Variants in THTPA observed in about 807,000 individuals in gnomAD.
THTPA encodes thiamine triphosphatase, also known as thiamine-triphosphatase.
Under a neutral mutation model 16.5 loss-of-function variants are expected in THTPA, and 16 were observed. The ratio of observed to expected loss-of-function variants is 0.97; its 90% CI spans 0.66 to 1.47. The LOEUF (loss-of-function observed/expected upper bound fraction) is 1.47. Among genes scored for constraint, THTPA ranks in the 40% most tolerant of loss-of-function variants. The pLI is 0.00. For missense variants in THTPA, 281 were observed against 280.9 expected, an observed-to-expected ratio of 1.00 and a Z score of 0.00; for synonymous variants, 110 against 115.5, an observed-to-expected ratio of 0.95 and a Z score of 0.30.
At chr14:23,530,280 C>T in the THTPA span, 1 of 1,064,524 alleles carries the variant, frequency 9.4e-7, no homozygotes. Flanking sequence ...GGACAAGCAG[C>T]CAGTCAATGA....
At chr14:23,538,794 G>A in the THTPA span, among the ~76,000 whole-genome samples, 1 of 152,174 alleles carries the variant, frequency 6.6e-6, no homozygotes, top group African/African-American at 2.4e-5. Flanking sequence ...GACCTGGGTA[G>A]AGGCAAGGGC....
At chr14:23,554,545 TA>T (rs1241498204), upstream of THTPA, among the ~76,000 whole-genome samples, 754 of 142,286 alleles carry the variant, frequency 5.3e-3, 4 homozygotes, top group African/African-American at 0.019. Context: ...CCCGGCTAAT[TA>T]AAATTTTTTT....
Position 23,557,165 on chromosome 14 carries a change from TGAA to T in THTPA, c.411_413del (p.Glu139del). ...GGAAGCTGGTGCTCTTGGGAGCTGA[TGAA>T]GAGGAGCCACAGCTCAGGGTGGACT... On this transcript the variant is annotated inframe_deletion, in exon 1 of 2. Transcript: ENST00000288014. The T allele has an allele frequency of 6.2e-7, 1 of 1,614,042 alleles. No individual in the cohort carries two copies. The highest frequency in any genetic ancestry group is 8.5e-7 in the Non-Finnish European group (1 of 1,180,014).
chr14:23,531,587 C>T, the THTPA span: 32 of 1,526,750 alleles, frequency 2.1e-5, no homozygotes, highest in African/African-American at 4.3e-4. Flanking sequence ...GCCTCTGGGC[C>T]TGGGCATCGC....
chr14:23,559,697 G>T lies in THTPA; in HGVS notation c.*857G>T. 2 of 1,575,142 alleles carry T rather than the reference G, an allele frequency of 1.3e-6. No homozygotes were observed. Among genetic ancestry groups the T allele is most frequent in the Non-Finnish European group, 1.7e-6 (2 of 1,149,488 alleles). On this transcript the variant is annotated 3_prime_UTR_variant, in exon 2 of 2. Transcript: ENST00000288014. Reference sequence around the variant, plus strand: ...TCAGGTGTAGGTTCGAAGCTGCTGGGGCCCCCTGGGGTTTGGGACACAGGA... The same window carrying T: ...TCAGGTGTAGGTTCGAAGCTGCTGGTGCCCCCTGGGGTTTGGGACACAGGA...
At chr14:23,557,336 T>G (rs1882518694) in intron 1 of THTPA, 32 bp downstream of exon 1, 1 of 1,532,662 alleles carries the variant, frequency 6.5e-7, no homozygotes, top group African/African-American at 1.4e-5. Flanking sequence ...GTGCTTTTCC[T>G]GCTCCCCACT....
At chr14:23,545,714 A>G in the THTPA span, among the ~76,000 whole-genome samples, 3 of 152,232 alleles carry the variant, frequency 2.0e-5, no homozygotes, top group African/African-American at 7.2e-5. Flanking sequence ...CAGACCACTG[A>G]TACAGAACAC....
chr14:23,512,387 G>A, the THTPA span, among the ~76,000 whole-genome samples: 9 of 152,130 alleles, frequency 5.9e-5, no homozygotes, highest in African/African-American at 2.2e-4. Context: ...AAGGGCACAG[G>A]GGCCCTGGGA....
At chr14:23,536,213 C>T in the THTPA span, among the ~76,000 whole-genome samples, 1 of 152,206 alleles carries the variant, frequency 6.6e-6, no homozygotes, top group Non-Finnish European at 1.5e-5. Flanking sequence ...ATTTTCTCTC[C>T]ATCCAGCAGC....
the THTPA span, chr14:23,533,497 G>C: frequency 6.5e-7 from 1 of 1,536,076 alleles, no homozygotes. The surrounding 1 kb of genome is among the most constrained non-coding windows in gnomAD (Gnocchi z 4.8). Context: ...CATCAATCCA[G>C]GTGGCAGGCC....
the THTPA span, among the ~76,000 whole-genome samples, chr14:23,544,552 T>A: frequency 6.6e-6 from 1 of 152,188 alleles, no homozygotes; most frequent in East Asian, 1.9e-4. Context: ...AGGCCCTCCA[T>A]GTACACGTGT....
At chr14:23,532,027 C>T in the THTPA span, 9 of 208,890 alleles carry the variant, frequency 4.3e-5, no homozygotes, top group South Asian at 1.9e-4. Context: ...CCTCCCGCCT[C>T]GGCCTCCCAA....
At chr14:23,527,781 G>A in the THTPA span, 2 of 1,535,972 alleles carry the variant, frequency 1.3e-6, no homozygotes, top group Non-Finnish European at 1.7e-6. Context: ...GGCTCAGGAA[G>A]CTGCAGTATG....
At chr14:23,533,683 C>T in the THTPA span, 2 of 1,538,554 alleles carry the variant, frequency 1.3e-6, no homozygotes, top group Middle Eastern at 3.3e-4. This position sits in a 1 kb window ranked among gnomAD's most constrained non-coding sequence, Gnocchi z 4.8. Flanking sequence ...CTCTGGTGGA[C>T]TTCCCTGCCC....
upstream of THTPA, among the ~76,000 whole-genome samples, chr14:23,552,058 T>C (rs1882006377): frequency 6.6e-6 from 1 of 152,196 alleles, no homozygotes; most frequent in Non-Finnish European, 1.5e-5. Context: ...GAACAAGCCC[T>C]GAGCCGCCCA....
the THTPA span, chr14:23,523,961 G>A: frequency 6.5e-7 from 1 of 1,534,502 alleles, no homozygotes; most frequent in Non-Finnish European, 8.7e-7. The surrounding 1 kb of genome is among the most constrained non-coding windows in gnomAD (Gnocchi z 4.1). Flanking sequence ...AGGTAGAGGT[G>A]GCTCTGGTGT....
the THTPA span, among the ~76,000 whole-genome samples, chr14:23,545,113 C>A: frequency 1.3e-5 from 2 of 152,086 alleles, no homozygotes; most frequent in East Asian, 3.9e-4. Flanking sequence ...CCGCCCTTCA[C>A]GGCTCCAGTT....
At chr14:23,520,701 C>T in the THTPA span, among the ~76,000 whole-genome samples, 6 of 151,232 alleles carry the variant, frequency 4.0e-5, no homozygotes, top group East Asian at 2.0e-4. This position sits in a 1 kb window ranked among gnomAD's most constrained non-coding sequence, Gnocchi z 8.7. Context: ...AGGGCTGCAC[C>T]GGCATCGGCC....
rs777771979 is a variant in THTPA, at chr14:23,559,816, T to C, written c.*976T>C. 1.2e-6 allele frequency: 2 copies of C among 1,614,074 alleles called. No individual in the cohort carries two copies. Among genetic ancestry groups the C allele is most frequent in the Admixed American group, 1.7e-5 (1 of 60,020 alleles). On this transcript the variant is annotated 3_prime_UTR_variant, in exon 2 of 2. Transcript: ENST00000288014. ...CTCCTGCACCGACTGGTGAAAGTGG[T>C]CGTAGGTGAGGCGCAGCTTTAGCCG...
Sources: allele counts gnomAD v4.1 joint callset (sites outside exome capture counted in the v4.1 genomes callset), GRCh38; gene constraint gnomAD v4.1.1; non-coding constraint Gnocchi (gnomAD v3.1); transcripts MANE v1.5; gene names NCBI Gene and HGNC (gene_info 2026-07-23, HGNC 2026-07-21).